OTOA: variants seen among roughly 807,000 people sequenced by gnomAD.
OTOA encodes the protein otoancorin, also known as cancer/testis antigen 108.
A neutral mutation model predicts 110.8 loss-of-function variants in OTOA; 70 were observed. The observed-to-expected ratio is 0.63, with a 90% confidence interval of 0.52 to 0.77. The LOEUF is 0.77. OTOA is among the 30% of genes least tolerant of loss of function. The pLI is 0.00. For synonymous variants in OTOA, 373 were observed against 431.5 expected (o/e 0.86, Z 1.68); for missense variants, 917 against 1,075.8 (o/e 0.85, Z 2.06).
intron 18 of OTOA, among the ~76,000 whole-genome samples, chr16:21,725,316 A>T (rs1898879369): frequency 1.3e-5 from 2 of 151,480 alleles, no homozygotes; most frequent in African/African-American, 2.4e-5. Flanking sequence ...ACGGGGTCCC[A>T]TTCTGTCACC....
intron 9 of OTOA, among the ~76,000 whole-genome samples, chr16:21,693,037 T>C (rs902169766): frequency 6.7e-6 from 1 of 149,962 alleles, no homozygotes; most frequent in African/African-American, 2.5e-5. Context: ...GGCAGATCAC[T>C]TGAGGTTAGG....
chr16:21,683,744 C>T (rs1597808413), intron 6 of OTOA, among the ~76,000 whole-genome samples: 1 of 148,196 alleles, frequency 6.7e-6, no homozygotes, highest in African/African-American at 2.5e-5. Context: ...TGTCCAATTT[C>T]GTTTGAATTT....
Position 21,733,661 on chromosome 16 carries a change from C to T in OTOA, c.2302-2600C>T, listed in dbSNP as rs548498013. 6.0e-5 allele frequency among the ~76,000 whole-genome samples: 9 copies of T among 150,444 alleles called. No individual in the cohort carries two copies. In the East Asian group the frequency reaches 6.0e-4, roughly 10 times the overall value. On this transcript the variant is annotated intron_variant, in intron 21 of 28. Transcript: ENST00000646100. ...ATCCCAAGTCTTGACAAAGTGTATT[C>T]GTTCTAGATGAGAAATGGCACTTTC...
At chr16:21,755,447 C>G (rs1410836648) in intron 27 of OTOA, among the ~76,000 whole-genome samples, 1 of 68,614 alleles carries the variant, frequency 1.5e-5, no homozygotes, top group Non-Finnish European at 3.1e-5. Flanking sequence ...ACCACCCCAC[C>G]GTGTGTGTGT....
At chr16:21,735,858 T>C (rs1476500160) in intron 21 of OTOA, among the ~76,000 whole-genome samples, 1 of 152,166 alleles carries the variant, frequency 6.6e-6, no homozygotes, top group African/African-American at 2.4e-5. Flanking sequence ...CCTCCCAAAA[T>C]GCTGGGATTA....
At chr16:21,756,389 A>T (rs534386037) in intron 27 of OTOA, among the ~76,000 whole-genome samples, 1 of 152,224 alleles carries the variant, frequency 6.6e-6, no homozygotes, top group South Asian at 2.1e-4. Context: ...AAGGATCAGA[A>T]TCAGTCAGCA....
Position 21,685,306 on chromosome 16 carries a change from C to T in OTOA, c.344C>T (p.Ala115Val), listed in dbSNP as rs1299215118. Residue 115 changes from alanine to valine, a missense_variant, in exon 7 of 29, where the codon GCC becomes GTC. Ala to Val is a moderately conservative substitution (Grantham distance 64). Around this residue, in one of 6 missense-constraint regions of OTOA, gnomAD observed 840 missense variants for 910.2 expected, o/e 0.92. Coordinates refer to ENST00000646100, the MANE Select transcript of OTOA (RefSeq NM_144672.4). Reference sequence around the variant, plus strand: ...CTGGAGGACCTGAGGAAGACAGACGCCCAGCAGTTCCGCACTGCCATGAAA... The same window carrying T: ...CTGGAGGACCTGAGGAAGACAGACGTCCAGCAGTTCCGCACTGCCATGAAA... ...KLLEDLRKTDAQQFRTAMKCL... is the reference protein window; with the variant it reads ...KLLEDLRKTDVQQFRTAMKCL... The T allele has an allele frequency of 6.2e-7, 1 of 1,613,186 alleles. No individual in the cohort carries two copies. Among genetic ancestry groups the T allele is most frequent in the Non-Finnish European group, 8.5e-7 (1 of 1,179,484 alleles).
intron 15 of OTOA, among the ~76,000 whole-genome samples, chr16:21,717,991 C>T (rs1017914335): frequency 2.0e-5 from 3 of 152,252 alleles, no homozygotes; most frequent in East Asian, 1.9e-4. Flanking sequence ...GAGTCTCTCT[C>T]GGTCACCCAG....
intron 1 of OTOA, among the ~76,000 whole-genome samples, chr16:21,677,423 A>G (rs11640609): frequency 0.2 from 29,797 of 148,388 alleles, 4,405 homozygotes; most frequent in East Asian, 0.41. Context: ...TGTGATAATC[A>G]TTTGTGTGCT....
intron 5 of OTOA, 122 bp from the exon 6 acceptor site, chr16:21,681,616 C>G: frequency 1.3e-6 from 1 of 760,862 alleles, no homozygotes; most frequent in Non-Finnish European, 2.3e-6. Context: ...CTCCCACTTC[C>G]AAGTACAAAG....
At chr16:21,705,517 A>C in intron 12 of OTOA, 1 of 675,384 alleles carries the variant, frequency 1.5e-6, no homozygotes, top group South Asian at 1.9e-5. Context: ...ATTTAATCAG[A>C]AAGCTGTCTC....
chr16:21,670,673 C>G (rs1192107006), intron 1 of OTOA, among the ~76,000 whole-genome samples: 1 of 152,138 alleles, frequency 6.6e-6, no homozygotes, highest in African/African-American at 2.4e-5. Context: ...GCTCACAGCA[C>G]TACTCAACAA....
At chr16:21,718,537 C>T (rs1461507441) in intron 15 of OTOA, among the ~76,000 whole-genome samples, 1 of 152,156 alleles carries the variant, frequency 6.6e-6, no homozygotes, top group East Asian at 1.9e-4. Flanking sequence ...GGGAATGATA[C>T]TCAAAGTTTC....
chr16:21,695,226 C>G (rs1897907642), intron 9 of OTOA, among the ~76,000 whole-genome samples: 1 of 6,620 alleles, frequency 1.5e-4, no homozygotes, highest in East Asian at 0.045. Context: ...GTAGTGAGAC[C>G]CCCCCCCCCC....
chr16:21,665,041 C>T (rs544733409), intron 1 of OTOA, among the ~76,000 whole-genome samples: 1 of 151,552 alleles, frequency 6.6e-6, no homozygotes, highest in Non-Finnish European at 1.5e-5. Flanking sequence ...AGTTTTTTGC[C>T]AGGGAGGTAT....
rs148606491 is a variant in OTOA, at chr16:21,678,540, C to T, written c.26C>T (p.Ser9Phe). 88 of 1,613,686 alleles carry T rather than the reference C, an allele frequency of 5.5e-5. 1 individual carries two copies. In the African/African-American group the frequency reaches 1.1e-3, roughly 19 times the overall value. MSQEPTTY[S>F]LFLFLFLSHG... ...ATGTCTCAGGAACCTACGACATACTCCCTTTTCCTATTCCTTTTTCTGAGC... is the reference window on the plus strand; with the variant it reads ...ATGTCTCAGGAACCTACGACATACTTCCTTTTCCTATTCCTTTTTCTGAGC... Residue 9 changes from serine to phenylalanine, a missense_variant, in exon 2 of 29, where the codon TCC (serine) becomes TTC (phenylalanine). By Grantham distance (155) the Ser-to-Phe change is radical. Around this residue, in one of 6 missense-constraint regions of OTOA, gnomAD observed 840 missense variants for 910.2 expected, o/e 0.92. Coordinates refer to ENST00000646100, the MANE Select transcript of OTOA (RefSeq NM_144672.4).
At chr16:21,675,307 A>AT (rs57498010) in intron 1 of OTOA, among the ~76,000 whole-genome samples, 1,555 of 37,216 alleles carry the variant, frequency 0.042, 338 homozygotes, top group East Asian at 0.074. Context: ...ACACCTGGCT[A>AT]TTTTTTTTTT....
At chr16:21,667,324 C>A (rs974951683) in intron 1 of OTOA, among the ~76,000 whole-genome samples, 30 of 152,156 alleles carry the variant, frequency 2.0e-4, no homozygotes, top group African/African-American at 7.2e-4. Flanking sequence ...ATTTGCATAA[C>A]AAGTTAGACA....
chr16:21,707,629 C>CTTTCTTTCTTTCT (rs1555499034), intron 12 of OTOA, among the ~76,000 whole-genome samples: 6 of 97,602 alleles, frequency 6.1e-5, no homozygotes, highest in African/African-American at 1.8e-4. Context: ...TTCTTTCTTT[C>CTTTCTTTCTTTCT]TTTCTTTCTT....
Sources: allele counts gnomAD v4.1 joint callset (sites outside exome capture counted in the v4.1 genomes callset), GRCh38; gene constraint gnomAD v4.1.1; regional missense constraint gnomAD v4.1.1; transcripts MANE v1.5; gene names NCBI Gene and HGNC (gene_info 2026-07-23, HGNC 2026-07-21).